The following CIMIP6 variants were observed in gnomAD, a reference collection of about 807,000 sequenced individuals.
The protein encoded by CIMIP6 is uncharacterized protein C2orf73.
At chr2:54,335,974 C>T in the CIMIP6 span, among the ~76,000 whole-genome samples, 1 of 152,174 alleles carries the variant, frequency 6.6e-6, no homozygotes, top group Non-Finnish European at 1.5e-5. Context: ...AGAATGCACC[C>T]ACCCAGATAA....
chr2:54,377,142 C>T, the CIMIP6 span, among the ~76,000 whole-genome samples: 1 of 152,140 alleles, frequency 6.6e-6, no homozygotes, highest in Non-Finnish European at 1.5e-5. Context: ...ATTTACGGCT[C>T]GTGTCTGCAT....
chr2:54,331,081 G>C, the CIMIP6 span: 1 of 1,423,672 alleles, frequency 7.0e-7, no homozygotes, highest in South Asian at 1.2e-5. Flanking sequence ...GATCCAGCAT[G>C]GACAGTCCAG....
chr2:54,360,878 T>C, the CIMIP6 span: 1 of 186,236 alleles, frequency 5.4e-6, no homozygotes, highest in Non-Finnish European at 1.1e-5. Context: ...TGGACAGCTT[T>C]GGAATCAAAC....
chr2:54,340,956 C>T, the CIMIP6 span, among the ~76,000 whole-genome samples: 1 of 152,018 alleles, frequency 6.6e-6, no homozygotes, highest in Non-Finnish European at 1.5e-5. Context: ...TGGAGTGAGA[C>T]CCTGGCTCAA....
the CIMIP6 span, among the ~76,000 whole-genome samples, chr2:54,374,641 T>C: frequency 2.0e-5 from 3 of 152,236 alleles, no homozygotes; most frequent in Admixed American, 6.5e-5. Flanking sequence ...TTATCCAAAA[T>C]GGGTATCGGA....
chr2:54,340,048 G>C, the CIMIP6 span: 2 of 84,564 alleles, frequency 2.4e-5, no homozygotes, highest in Non-Finnish European at 5.4e-5. Context: ...CCTTCCCAGA[G>C]CTGCAGGTTA....
At chr2:54,373,169 G>A in the CIMIP6 span, among the ~76,000 whole-genome samples, 1 of 152,030 alleles carries the variant, frequency 6.6e-6, no homozygotes, top group Non-Finnish European at 1.5e-5. Flanking sequence ...TTGTGTAAGG[G>A]CTCCCCATGG....
At chr2:54,336,284 C>T in the CIMIP6 span, among the ~76,000 whole-genome samples, 1 of 152,186 alleles carries the variant, frequency 6.6e-6, no homozygotes, top group East Asian at 1.9e-4. Context: ...TCTACTCCAA[C>T]AGCTACTGAT....
the CIMIP6 span, among the ~76,000 whole-genome samples, chr2:54,373,167 G>A: frequency 6.6e-6 from 1 of 152,084 alleles, no homozygotes; most frequent in Admixed American, 6.5e-5. Flanking sequence ...AATTGTGTAA[G>A]GGCTCCCCAT....
chr2:54,379,020 A>C, the CIMIP6 span, among the ~76,000 whole-genome samples: 2 of 152,180 alleles, frequency 1.3e-5, no homozygotes, highest in African/African-American at 4.8e-5. Context: ...CACACGCAGC[A>C]GGCACCCAAA....
At chr2:54,364,776 G>T in the CIMIP6 span, among the ~76,000 whole-genome samples, 1 of 152,192 alleles carries the variant, frequency 6.6e-6, no homozygotes, top group Non-Finnish European at 1.5e-5. Context: ...AATACTCTTT[G>T]TTAGACTCCT....
the CIMIP6 span, chr2:54,361,226 C>T: frequency 6.6e-6 from 1 of 152,182 alleles, no homozygotes; most frequent in Non-Finnish European, 1.5e-5. Context: ...CAGACACATA[C>T]ACACTTAATT....
At chr2:54,337,713 C>G in the CIMIP6 span, among the ~76,000 whole-genome samples, 2 of 152,174 alleles carry the variant, frequency 1.3e-5, no homozygotes, top group African/African-American at 4.8e-5. Context: ...GAGCTGCTAT[C>G]ATCAAGACTA....
the CIMIP6 span, among the ~76,000 whole-genome samples, chr2:54,364,342 AC>A: frequency 2.6e-5 from 4 of 152,212 alleles, no homozygotes; most frequent in Non-Finnish European, 5.9e-5. Context: ...AAAAAAGAAA[AC>A]CAAACAAAAA....
At chr2:54,350,107 T>G in the CIMIP6 span, among the ~76,000 whole-genome samples, 1 of 152,180 alleles carries the variant, frequency 6.6e-6, no homozygotes, top group African/African-American at 2.4e-5. Context: ...CCACCTGCCT[T>G]GGCCTCCCAA....
At chr2:54,360,869 G>A in the CIMIP6 span, 2 of 194,052 alleles carry the variant, frequency 1.0e-5, no homozygotes, top group East Asian at 2.7e-4. Flanking sequence ...AGACATGAGT[G>A]GACAGCTTTG....
the CIMIP6 span, chr2:54,381,826 T>A: frequency 1.3e-6 from 2 of 1,523,430 alleles, no homozygotes; most frequent in Non-Finnish European, 1.8e-6. Flanking sequence ...TTTCAGTGGG[T>A]GTTCTTGTCT....
the CIMIP6 span, among the ~76,000 whole-genome samples, chr2:54,371,527 T>A: frequency 6.6e-6 from 1 of 152,208 alleles, no homozygotes; most frequent in Non-Finnish European, 1.5e-5. Flanking sequence ...GAAAGGGCTA[T>A]ACCCCACCCC....
At chr2:54,331,457 C>A in the CIMIP6 span, among the ~76,000 whole-genome samples, 3 of 152,036 alleles carry the variant, frequency 2.0e-5, no homozygotes, top group Non-Finnish European at 4.4e-5. Flanking sequence ...CCGTTTACAG[C>A]CCAGGTTAGA....
Sources: allele counts gnomAD v4.1 joint callset (sites outside exome capture counted in the v4.1 genomes callset), GRCh38; gene constraint gnomAD v4.1.1; transcripts MANE v1.5; gene names NCBI Gene and HGNC (gene_info 2026-07-23, HGNC 2026-07-21).